The following MYO9A variants were observed in gnomAD, a reference collection of about 807,000 sequenced individuals.
MYO9A encodes myosin IXA, also known as unconventional myosin-IXa.
A neutral mutation model predicts 293.3 loss-of-function variants in MYO9A; 103 were observed. The ratio of observed to expected loss-of-function variants is 0.35; its 90% confidence interval spans 0.30 to 0.41. The LOEUF (loss-of-function observed/expected upper bound fraction) is 0.41. MYO9A is among the 10% of genes least tolerant of loss of function. MYO9A has a pLI of 1.00. For synonymous variants in MYO9A, 1,001 were observed against 1,035.7 expected, an observed-to-expected ratio of 0.97 and a Z score of 0.64; for missense variants, 2,685 against 3,033.0, an observed-to-expected ratio of 0.89 and a Z score of 2.69.
intron 13 of MYO9A, among the ~76,000 whole-genome samples, chr15:71,967,140 T>G (rs1350569112): frequency 6.6e-6 from 1 of 152,164 alleles, no homozygotes; most frequent in African/African-American, 2.4e-5. Flanking sequence ...AATCCACTAT[T>G]TTACTACTTT....
chr15:71,977,517 A>C (rs1218466623), intron 12 of MYO9A, among the ~76,000 whole-genome samples: 1 of 152,182 alleles, frequency 6.6e-6, no homozygotes, highest in Non-Finnish European at 1.5e-5. Context: ...GATTACAGAC[A>C]TAAGCCACCA....
intron 10 of MYO9A, among the ~76,000 whole-genome samples, chr15:71,992,787 C>T (rs1445901267): frequency 6.6e-6 from 1 of 151,012 alleles, no homozygotes; most frequent in African/African-American, 2.4e-5. Flanking sequence ...TAGAAAAAGT[C>T]TAAACATAAA....
At chr15:71,882,728 G>A (rs1032540247) in intron 28 of MYO9A, among the ~76,000 whole-genome samples, 4 of 152,174 alleles carry the variant, frequency 2.6e-5, no homozygotes, top group African/African-American at 9.7e-5. Flanking sequence ...TTAAGACTAT[G>A]GACTCTGGAG....
intron 1 of MYO9A, among the ~76,000 whole-genome samples, chr15:72,076,839 A>G (rs528220498): frequency 6.6e-6 from 1 of 152,212 alleles, no homozygotes; most frequent in Non-Finnish European, 1.5e-5. Flanking sequence ...CAAATTTACT[A>G]TAAAACTACA....
At position 71,954,985 on chromosome 15, in the gene MYO9A, C is replaced by T. The variant is rs562107791; in HGVS notation, c.2183-3089G>A. On this transcript the variant is annotated intron_variant, in intron 14 of 41. Transcript: ENST00000356056. ...ACTCAGTTTGATGAATTTAAACAAA[C>T]GTTTACATCCACAAAATCCTGAATC... is the stretch of plus-strand genomic sequence containing the variant. Among the ~76,000 whole-genome samples, 12 of 152,248 alleles carry T rather than the reference C, an allele frequency of 7.9e-5. No individual in the cohort carries two copies. The South Asian group carries it at 1.0e-3, about 13-fold the overall frequency.
intron 35 of MYO9A, among the ~76,000 whole-genome samples, chr15:71,853,091 CTGAATGAATGAA>C (rs71131711): frequency 9.3e-4 from 141 of 151,488 alleles, no homozygotes; most frequent in Non-Finnish European, 1.5e-3. Flanking sequence ...AAGACTGTCT[CTGAATGAATGAA>C]TGAATGAATG....
intron 1 of MYO9A, among the ~76,000 whole-genome samples, chr15:72,052,141 G>A (rs970069096): frequency 1.3e-5 from 2 of 152,098 alleles, no homozygotes; most frequent in African/African-American, 4.8e-5. Context: ...CGGGAGTTGA[G>A]AAGATGATGG....
At chr15:71,920,187 T>C (rs1467691090) in intron 18 of MYO9A, among the ~76,000 whole-genome samples, 1 of 152,226 alleles carries the variant, frequency 6.6e-6, no homozygotes, top group East Asian at 1.9e-4. Context: ...ATCATTATGG[T>C]TGAGTTTATT....
chr15:72,011,613 G>T (rs962148557), intron 6 of MYO9A, among the ~76,000 whole-genome samples: 1 of 151,834 alleles, frequency 6.6e-6, no homozygotes, highest in Middle Eastern at 3.2e-3. Flanking sequence ...AAAAATTGTT[G>T]TGGAATACCA....
chr15:71,867,800 A>T (rs573614499), intron 32 of MYO9A, among the ~76,000 whole-genome samples: 1 of 1,998 alleles, frequency 5.0e-4, no homozygotes, highest in Admixed American at 0.013. Flanking sequence ...GGAATCCATC[A>T]CACACACACA....
intron 1 of MYO9A, among the ~76,000 whole-genome samples, chr15:72,052,510 T>C (rs1021578598): frequency 1.3e-4 from 20 of 152,176 alleles, no homozygotes; most frequent in African/African-American, 4.6e-4. Flanking sequence ...ATACGCCCCT[T>C]GTTCGTCCCA....
At chr15:71,990,083 T>C (rs2076501071) in intron 11 of MYO9A, among the ~76,000 whole-genome samples, 1 of 85,458 alleles carries the variant, frequency 1.2e-5, no homozygotes, top group African/African-American at 3.6e-5. Context: ...TAAGCATATA[T>C]AAGCAATTTT....
At chr15:71,892,806 G>A (rs2057216578) in intron 26 of MYO9A, 3 of 310,748 alleles carry the variant, frequency 9.7e-6, no homozygotes, top group Admixed American at 5.2e-5. Flanking sequence ...CTTTATTTGA[G>A]TTCTATTAAA....
rs1013425591 is a variant in MYO9A, at chr15:71,948,954, G to GA, written c.2302+2822_2302+2823insT. Among the ~76,000 whole-genome samples the GA allele has an allele frequency of 2.9e-3, 38 of 13,232 alleles. 1 individual carries two copies. Among genetic ancestry groups the GA allele is most frequent in the Middle Eastern group, 0.062 (1 of 16 alleles). The allele number at this position is 13,232 out of a possible 152,430, so 8.7% of individuals were successfully genotyped here. A position where few individuals can be genotyped will look rare whatever the true frequency, so the allele number is the denominator to read the frequency against. ...ATTCTGGTTCAAATTTTTTTTGTGA[G>GA]GGGGGGGGATGTGACATATTAAACA... On this transcript the variant is annotated intron_variant, in intron 15 of 41. Transcript: ENST00000356056.
intron 13 of MYO9A, among the ~76,000 whole-genome samples, chr15:71,963,023 T>C (rs540738508): frequency 5.3e-5 from 8 of 152,302 alleles, no homozygotes; most frequent in East Asian, 3.9e-4. Context: ...TAAGTCCTCA[T>C]TGCTAGTTCA....
At chr15:71,960,184 T>C (rs138772153) in intron 13 of MYO9A, 88 bp from the exon 14 acceptor site, 6 of 1,169,576 alleles carry the variant, frequency 5.1e-6, no homozygotes, top group East Asian at 4.9e-5. Context: ...TGGATGCTTG[T>C]CCCTCCAAAC....
chr15:72,106,995 TATAA>T (rs1228139500), intron 1 of MYO9A, among the ~76,000 whole-genome samples: 1 of 152,190 alleles, frequency 6.6e-6, no homozygotes, highest in Non-Finnish European at 1.5e-5. Flanking sequence ...GAAACTATTT[TATAA>T]ATACTTAGAA....
intron 36 of MYO9A, among the ~76,000 whole-genome samples, chr15:71,851,869 C>A (rs1017370044): frequency 2.0e-5 from 3 of 152,112 alleles, no homozygotes; most frequent in Non-Finnish European, 4.4e-5. Context: ...TGTTTTATAA[C>A]CCCAGTCTTT....
rs781514196 is a variant in MYO9A, at chr15:72,109,388, T to TA, written c.-72+8291dup. Among the ~76,000 whole-genome samples, 1,090 of 124,868 alleles carry TA rather than the reference T, an allele frequency of 8.7e-3. 12 individuals are homozygous for TA. The highest frequency in any genetic ancestry group is 0.027 in the African/African-American group (898 of 33,704). The allele number at this position is 124,868 out of a possible 152,430, so 81.9% of individuals were successfully genotyped here. A position where few individuals can be genotyped will look rare whatever the true frequency, so the allele number is the denominator to read the frequency against. On this transcript the variant is annotated intron_variant, in intron 1 of 41. Coordinates refer to ENST00000356056, the MANE Select transcript of MYO9A (RefSeq NM_006901.4). ...CTGGGTGACAGAGCAAGGCTCTGTC[T>TA]AAAAAAAAAAAAAAAATACACACAC...
Sources: allele counts gnomAD v4.1 joint callset (sites outside exome capture counted in the v4.1 genomes callset), GRCh38; gene constraint gnomAD v4.1.1; transcripts MANE v1.5; gene names NCBI Gene and HGNC (gene_info 2026-07-23, HGNC 2026-07-21).